The following WDR45B variants were observed in gnomAD, a reference collection of about 807,000 sequenced individuals.
WDR45B encodes the protein WD repeat domain 45B.
WDR45B carries 20 observed loss-of-function variants against 44.6 expected under a neutral mutation model. That is an observed-to-expected ratio of 0.45 (90% CI 0.32 to 0.65). WDR45B has a LOEUF of 0.65. WDR45B is among the 30% of genes least tolerant of loss of function. The probability of loss-of-function intolerance (pLI) is 0.05; values close to 1 mark genes in which losing one functional copy is unlikely to be tolerated. For missense variants in WDR45B, 323 were observed against 430.2 expected, an observed-to-expected ratio of 0.75 and a Z score of 2.20; for synonymous variants, 169 against 164.9, an observed-to-expected ratio of 1.02 and a Z score of -0.19.
At chr17:82,622,518 C>T (rs1305780631) in intron 5 of WDR45B, among the ~76,000 whole-genome samples, 3 of 152,082 alleles carry the variant, frequency 2.0e-5, no homozygotes, top group African/African-American at 4.8e-5. Flanking sequence ...CTGCAAGCTC[C>T]GCCTCCCAGG....
chr17:82,621,699 C>T lies in WDR45B; in HGVS notation c.528G>A (p.Lys176=). ...CGTGTGCAGGAATGTCCACGGGTGG[C>T]TTCTCCGTGCTGGCCAGGTCCACAA... ...VQLVDLASTE[K]PPVDIPAHEG... The change falls in exon 6 of 10, where the codon AAG becomes AAA. Residue 176 remains lysine, a synonymous_variant. Coordinates refer to ENST00000392325, the MANE Select transcript of WDR45B (RefSeq NM_019613.4). 1 of 1,614,178 alleles carries T rather than the reference C, an allele frequency of 6.2e-7. No individual in the cohort carries two copies. The highest frequency in any genetic ancestry group is 1.3e-5 in the African/African-American group (1 of 75,038).
chr17:82,636,498 T>C (rs1412990167), intron 2 of WDR45B: 1 of 151,850 alleles, frequency 6.6e-6, no homozygotes, highest in African/African-American at 2.4e-5. Context: ...TCTCCCATAA[T>C]ACCTGACCCC....
chr17:82,639,790 G>T (rs1419982646), intron 2 of WDR45B, among the ~76,000 whole-genome samples: 3 of 148,786 alleles, frequency 2.0e-5, no homozygotes, highest in African/African-American at 7.6e-5. Context: ...TGTGTGTGGG[G>T]TCGGGAGGGC....
chr17:82,616,553 G>A lies in WDR45B; in HGVS notation c.899C>T (p.Ala300Val), dbSNP rs1567999867. The change falls in exon 9 of 10, where the codon GCC becomes GTC. Residue 300 changes from alanine to valine, a missense_variant. By Grantham distance (64) the Ala-to-Val change is moderately conservative. Transcript: ENST00000392325. ...GACGGCGTTTGGCTCTGTTCCAAAGGCACAAATGCACGGAGAGCCTGAGGG... is the reference window on the plus strand; with the variant it reads ...GACGGCGTTTGGCTCTGTTCCAAAGACACAAATGCACGGAGAGCCTGAGGG... ...QVPSGSPCIC[A>V]FGTEPNAVIA... 6.2e-7 allele frequency: 1 copy of A among 1,614,178 alleles called. No individual in the cohort carries two copies.
rs1236221974 is a variant in WDR45B, at chr17:82,615,542, G to A, written c.*377C>T. Reference sequence around the variant, plus strand: ...CCGCTGCAGACTCAGTAAGAACGACGGAATCTGCTGCAAAAACAAACCTGA... The same window carrying A: ...CCGCTGCAGACTCAGTAAGAACGACAGAATCTGCTGCAAAAACAAACCTGA... On this transcript the variant is annotated 3_prime_UTR_variant, in exon 10 of 10. Transcript: ENST00000392325. 9.6e-6 allele frequency: 3 copies of A among 312,580 alleles called. No homozygotes were observed. Among genetic ancestry groups the A allele is most frequent in the Admixed American group, 8.6e-5 (2 of 23,122 alleles). The allele number at this position is 312,580 out of a possible 1,614,324, so 19.4% of individuals were successfully genotyped here.
chr17:82,620,673 C>T (rs1318314870), intron 6 of WDR45B, among the ~76,000 whole-genome samples: 1 of 152,144 alleles, frequency 6.6e-6, no homozygotes, highest in African/African-American at 2.4e-5. Context: ...TTTATAATTT[C>T]CTACAAAGTA....
intron 3 of WDR45B, among the ~76,000 whole-genome samples, chr17:82,627,841 G>A (rs745463826): frequency 4.6e-5 from 7 of 152,254 alleles, no homozygotes; most frequent in Non-Finnish European, 8.8e-5. Flanking sequence ...TGAGCCCATA[G>A]GCAAGCCTGA....
At chr17:82,617,198 C>A in intron 8 of WDR45B, 98 bp downstream of exon 8, 1 of 1,106,042 alleles carries the variant, frequency 9.0e-7, no homozygotes, top group Admixed American at 1.9e-5. Context: ...TCTGTCCACA[C>A]CACCCTGCTG....
At chr17:82,625,554 TATC>T (rs1435003649) in intron 4 of WDR45B, 71 bp from the exon 5 acceptor site, 4 of 1,362,268 alleles carry the variant, frequency 2.9e-6, no homozygotes, top group African/African-American at 2.9e-5. Context: ...CTCCTGTTCT[TATC>T]ATACTGAAAC....
intron 7 of WDR45B, chr17:82,617,627 G>T: frequency 1.8e-6 from 1 of 559,870 alleles, no homozygotes; most frequent in Non-Finnish European, 3.3e-6. Flanking sequence ...GTTTTCCTTG[G>T]GTGCCCCACA....
At chr17:82,637,086 AC>A (rs756535062) in intron 2 of WDR45B, among the ~76,000 whole-genome samples, 1 of 152,006 alleles carries the variant, frequency 6.6e-6, no homozygotes, top group Non-Finnish European at 1.5e-5. Flanking sequence ...AAATTGCCTT[AC>A]TGAGAGAATT....
chr17:82,636,006 G>C (rs1321665438), intron 2 of WDR45B, among the ~76,000 whole-genome samples: 2 of 151,950 alleles, frequency 1.3e-5, no homozygotes, highest in Non-Finnish European at 2.9e-5. Context: ...AGAATCACTT[G>C]AACCCGGGAG....
chr17:82,616,659 AAAAG>A lies in WDR45B; in HGVS notation c.807-18_807-15del. The A allele has an allele frequency of 6.2e-7, 1 of 1,614,148 alleles. No individual in the cohort carries two copies. The highest frequency in any genetic ancestry group is 8.5e-7 in the Non-Finnish European group (1 of 1,179,982). ...GCTGAGGCCAAACTGTGAAGACAAG[AAAAG>A]AAAGGGTGGTTCAAAGTTTACAGGA... On this transcript the variant is annotated splice_polypyrimidine_tract_variant and intron_variant, in intron 8 of 9. Transcript: ENST00000392325.
At chr17:82,647,163 AG>A (rs2045988763) in intron 1 of WDR45B, among the ~76,000 whole-genome samples, 1 of 152,164 alleles carries the variant, frequency 6.6e-6, no homozygotes, top group Admixed American at 6.5e-5. Flanking sequence ...CGGGAGGAGG[AG>A]GTTGCAGTGA....
intron 2 of WDR45B, among the ~76,000 whole-genome samples, chr17:82,632,066 C>T (rs774152527): frequency 1.3e-5 from 2 of 150,978 alleles, no homozygotes; most frequent in East Asian, 2.0e-4. Flanking sequence ...GGTGACAGAG[C>T]GAGACTCTAT....
Position 82,615,986 on chromosome 17 carries a change from T to A in WDR45B, c.968A>T (p.Asn323Ile), listed in dbSNP as rs574188572. 6.2e-7 allele frequency: 1 copy of A among 1,613,542 alleles called. No homozygotes were observed. The change falls in exon 10 of 10, where the codon AAC becomes ATC. Residue 323 changes from asparagine (N) to isoleucine (I), a missense_variant. Coordinates refer to ENST00000392325, the MANE Select transcript of WDR45B (RefSeq NM_019613.4). Reference protein sequence around the residue: ...ADGSYYKFLFNPKGECIRDVY... With the variant: ...ADGSYYKFLFIPKGECIRDVY... The stretch of plus-strand genomic sequence containing the variant: ...ATCTCGGATGCACTCCCCCTTGGGG[T>A]TGAACAGGAATTTGTAGTAGCTGCC...
chr17:82,642,612 C>G (rs1020357212), intron 2 of WDR45B, among the ~76,000 whole-genome samples: 2 of 152,196 alleles, frequency 1.3e-5, no homozygotes, highest in Admixed American at 1.3e-4. Context: ...ATGGTGGGGA[C>G]TGGGGCAGTC....
chr17:82,616,154 C>T (rs1256043257), intron 9 of WDR45B, 129 bp from the exon 10 acceptor site: 1 of 903,702 alleles, frequency 1.1e-6, no homozygotes, highest in East Asian at 2.6e-5. Flanking sequence ...CTGAAAGGCC[C>T]CAGGGTCCCC....
Position 82,625,371 on chromosome 17 carries a change from G to A in WDR45B, c.427+18C>T, listed in dbSNP as rs762573430. 1.9e-5 allele frequency: 31 copies of A among 1,612,204 alleles called. No individual in the cohort carries two copies. Among genetic ancestry groups the A allele is most frequent in the African/African-American group, 2.7e-5 (2 of 74,872 alleles). On this transcript the variant is annotated intron_variant, in intron 5 of 9. Transcript: ENST00000392325. ...GTGGACCCATTTCCCATCGCCACCC[G>A]TCTGCTCAATCTCTCACCTTTGGGG...
Sources: gnomAD v4.1 joint callset for allele counts (sites outside exome capture counted in the v4.1 genomes callset) on GRCh38, gnomAD v4.1.1 for gene constraint, MANE v1.5 for transcripts, NCBI Gene and HGNC (gene_info 2026-07-23, HGNC 2026-07-21) for gene names.